The following NELL1 variants were observed in gnomAD, a reference collection of about 807,000 sequenced individuals.
NELL1 encodes the protein neural EGFL like 1.
In NELL1, 76 loss-of-function variants were observed where a neutral mutation model predicts 107.4. The observed-to-expected ratio is 0.71, with a 90% CI of 0.59 to 0.86. The LOEUF (loss-of-function observed/expected upper bound fraction) is 0.86. NELL1 is among the 40% of genes least tolerant of loss of function. The pLI is 0.00. For missense variants in NELL1, 1,024 were observed against 1,005.5 expected, an observed-to-expected ratio of 1.02 and a Z score of -0.25; for synonymous variants, 353 against 341.2, an observed-to-expected ratio of 1.03 and a Z score of -0.38.
chr11:20,916,121 G>T (rs1375711878), intron 5 of NELL1, among the ~76,000 whole-genome samples: 1 of 151,888 alleles, frequency 6.6e-6, no homozygotes, highest in African/African-American at 2.4e-5. Flanking sequence ...TCACCTCTAT[G>T]ACCTTTCCTT....
intron 14 of NELL1, among the ~76,000 whole-genome samples, chr11:21,353,804 C>T (rs1850869850): frequency 6.6e-6 from 1 of 152,098 alleles, no homozygotes; most frequent in Admixed American, 6.6e-5. Context: ...TGCTTACTTC[C>T]TTGGTTGAGC....
intron 15 of NELL1, among the ~76,000 whole-genome samples, chr11:21,395,508 T>C (rs1851961429): frequency 6.6e-6 from 1 of 151,546 alleles, no homozygotes; most frequent in African/African-American, 2.4e-5. Context: ...TTTTGGTCCC[T>C]GGGGCAAAAG....
chr11:20,862,148 GGTAA>G (rs752331402), intron 4 of NELL1, among the ~76,000 whole-genome samples: 31 of 152,266 alleles, frequency 2.0e-4, no homozygotes, highest in Non-Finnish European at 4.0e-4. Flanking sequence ...CACTGTGTCT[GGTAA>G]GTAAGTGTTT....
At chr11:21,013,470 C>T (rs1214528737) in intron 12 of NELL1, among the ~76,000 whole-genome samples, 2 of 152,058 alleles carry the variant, frequency 1.3e-5, no homozygotes, top group Admixed American at 6.6e-5. Flanking sequence ...GACAAGGCAT[C>T]CAAGGAAGTA....
intron 13 of NELL1, among the ~76,000 whole-genome samples, chr11:21,182,745 A>G (rs1180475228): frequency 1.3e-5 from 2 of 151,636 alleles, no homozygotes; most frequent in Non-Finnish European, 2.9e-5. Context: ...GCATAGAAAA[A>G]TGGTATAATA....
intron 14 of NELL1, among the ~76,000 whole-genome samples, chr11:21,248,055 G>C (rs1858539013): frequency 1.3e-5 from 2 of 152,182 alleles, no homozygotes; most frequent in Admixed American, 6.5e-5. Flanking sequence ...GTACAAAAAA[G>C]AGCAGGAGGC....
intron 15 of NELL1, among the ~76,000 whole-genome samples, chr11:21,429,727 G>C (rs1462447989): frequency 6.6e-6 from 1 of 152,100 alleles, no homozygotes; most frequent in Non-Finnish European, 1.5e-5. Context: ...CATATTTACA[G>C]GTTAAAAGAG....
chr11:21,451,112 G>C (rs921275318), intron 15 of NELL1, among the ~76,000 whole-genome samples: 9 of 150,646 alleles, frequency 6.0e-5, no homozygotes, highest in Non-Finnish European at 1.2e-4. Flanking sequence ...GCGTGAACCC[G>C]GCAGGCTGAG....
At chr11:21,340,413 A>G (rs1371811042) in intron 14 of NELL1, among the ~76,000 whole-genome samples, 1 of 152,136 alleles carries the variant, frequency 6.6e-6, no homozygotes, top group East Asian at 1.9e-4. Flanking sequence ...TGGCCTCCCA[A>G]AGTGCTGGGA....
intron 14 of NELL1, among the ~76,000 whole-genome samples, chr11:21,337,558 G>A (rs1023717021): frequency 5.3e-5 from 8 of 152,300 alleles, no homozygotes; most frequent in Admixed American, 5.2e-4. Flanking sequence ...TCTGCTCATA[G>A]CCCATTGGCT....
chr11:21,091,935 T>C (rs1390779620), intron 12 of NELL1, among the ~76,000 whole-genome samples: 3 of 152,112 alleles, frequency 2.0e-5, no homozygotes, highest in Non-Finnish European at 2.9e-5. Flanking sequence ...AGTGTAAGGA[T>C]GGAGGATGGG....
At chr11:21,267,188 T>C (rs1451484750) in intron 14 of NELL1, among the ~76,000 whole-genome samples, 1 of 152,122 alleles carries the variant, frequency 6.6e-6, no homozygotes, top group Non-Finnish European at 1.5e-5. Flanking sequence ...AATGAGGCTG[T>C]CCTTACAATC....
intron 13 of NELL1, chr11:21,170,214 G>T (rs1429577018): frequency 2.1e-6 from 1 of 481,926 alleles, no homozygotes; most frequent in Non-Finnish European, 3.7e-6. Flanking sequence ...TGTCGAACGT[G>T]TTGGGAAAAT....
chr11:21,070,399 C>T (rs760072547), intron 12 of NELL1, among the ~76,000 whole-genome samples: 51 of 152,034 alleles, frequency 3.4e-4, no homozygotes, highest in Non-Finnish European at 5.6e-4. Flanking sequence ...TTTTTATACT[C>T]TCCAAATGGT....
intron 15 of NELL1, among the ~76,000 whole-genome samples, chr11:21,461,576 C>G (rs1853901148): frequency 6.6e-6 from 1 of 152,078 alleles, no homozygotes; most frequent in African/African-American, 2.4e-5. Flanking sequence ...TTATTAAGTG[C>G]TCACTATGAG....
chr11:20,896,298 T>A (rs543212557), intron 5 of NELL1, among the ~76,000 whole-genome samples: 22 of 152,232 alleles, frequency 1.4e-4, no homozygotes, highest in Non-Finnish European at 1.9e-4. Context: ...TTCAGGTTGC[T>A]GTGAATGCCA....
chr11:21,030,054 G>C (rs1429200079), intron 12 of NELL1, among the ~76,000 whole-genome samples: 1 of 152,186 alleles, frequency 6.6e-6, no homozygotes, highest in Non-Finnish European at 1.5e-5. Context: ...CGATATATTA[G>C]ATGATAGATC....
intron 2 of NELL1, among the ~76,000 whole-genome samples, chr11:20,734,127 A>T (rs1202353426): frequency 6.6e-6 from 1 of 152,162 alleles, no homozygotes; most frequent in African/African-American, 2.4e-5. Flanking sequence ...TGAAACAGCA[A>T]GTATGAAGGC....
At chr11:21,237,113 G>A (rs1858228488) in intron 14 of NELL1, among the ~76,000 whole-genome samples, 1 of 152,000 alleles carries the variant, frequency 6.6e-6, no homozygotes, top group Non-Finnish European at 1.5e-5. Context: ...TCTTGTCCAT[G>A]GGAACCTGGA....
Sources: allele counts gnomAD v4.1 joint callset (sites outside exome capture counted in the v4.1 genomes callset), GRCh38; gene constraint gnomAD v4.1.1; transcripts MANE v1.5; gene names NCBI Gene and HGNC (gene_info 2026-07-23, HGNC 2026-07-21).